CEMIP2: variants seen among roughly 807,000 people sequenced by gnomAD.
The protein encoded by CEMIP2 is cell migration inducing hyaluronidase 2.
In CEMIP2, 79 loss-of-function variants were observed where a neutral mutation model predicts 146.9. That is an observed-to-expected ratio of 0.54 (90% CI 0.45 to 0.65). The LOEUF (loss-of-function observed/expected upper bound fraction) is 0.65, where lower values mean the gene tolerates loss of function less well. CEMIP2 is among the 30% of genes least tolerant of loss of function. CEMIP2 has a pLI of 0.00. For missense variants in CEMIP2, 1,596 were observed against 1,696.2 expected (o/e 0.94, Z 1.04); for synonymous variants, 601 against 606.3 (o/e 0.99, Z 0.13).
intron 1 of CEMIP2, among the ~76,000 whole-genome samples, chr9:71,752,313 T>C (rs1042419237): frequency 2.0e-5 from 3 of 151,586 alleles, no homozygotes; most frequent in Admixed American, 6.6e-5. Context: ...AAGTTTAAAC[T>C]ATACATGCTT....
intron 13 of CEMIP2, among the ~76,000 whole-genome samples, 162 bp downstream of exon 13, chr9:71,717,786 G>C (rs999536541): frequency 6.6e-6 from 1 of 151,986 alleles, no homozygotes; most frequent in Non-Finnish European, 1.5e-5. Context: ...AAACATTTGT[G>C]GTCTTTTAAC....
At chr9:71,751,220 C>T (rs1241043342) in intron 1 of CEMIP2, among the ~76,000 whole-genome samples, 2 of 152,206 alleles carry the variant, frequency 1.3e-5, no homozygotes, top group African/African-American at 4.8e-5. Flanking sequence ...TCATCCCAAA[C>T]AAAAACTCTA....
intron 15 of CEMIP2, among the ~76,000 whole-genome samples, chr9:71,714,121 C>G (rs1822982694): frequency 6.6e-6 from 1 of 152,124 alleles, no homozygotes; most frequent in African/African-American, 2.4e-5. Context: ...TCTGTATGTC[C>G]CATTCCTCTG....
intron 10 of CEMIP2, among the ~76,000 whole-genome samples, chr9:71,727,243 C>A (rs1189223414): frequency 6.6e-6 from 1 of 152,146 alleles, no homozygotes. Context: ...TCTTCAAGCC[C>A]TGACTTCTAA....
intron 12 of CEMIP2, among the ~76,000 whole-genome samples, chr9:71,721,315 A>G (rs950813376): frequency 1.3e-5 from 2 of 152,142 alleles, no homozygotes; most frequent in East Asian, 1.9e-4. Context: ...TTCATAATTT[A>G]TTGTCATCTA....
At chr9:71,708,125 G>A (rs11142966) in intron 17 of CEMIP2, among the ~76,000 whole-genome samples, 18,126 of 152,200 alleles carry the variant, frequency 0.12, 1,228 homozygotes, top group South Asian at 0.25. Flanking sequence ...GGCGGAGCTT[G>A]CAGTGAGCCA....
At chr9:71,730,985 G>T in intron 7 of CEMIP2, 71 bp from the exon 8 acceptor site, 1 of 1,244,986 alleles carries the variant, frequency 8.0e-7, no homozygotes, top group Non-Finnish European at 1.2e-6. Flanking sequence ...TATTGTTCTA[G>T]TAGAAAACAT....
chr9:71,750,389 T>C lies in CEMIP2; in HGVS notation c.-12-4A>G. ...TGGCATACATGATACACTGTTACTG[T>C]GAAAAGAAAAAAAAATTAAGCTTCA... On this transcript the variant is annotated splice_region_variant and splice_polypyrimidine_tract_variant and intron_variant, in intron 1 of 23. Coordinates refer to ENST00000377044, the MANE Select transcript of CEMIP2 (RefSeq NM_013390.3). 1 of 1,540,626 alleles carries C rather than the reference T, an allele frequency of 6.5e-7. No homozygotes were observed. Among genetic ancestry groups the C allele is most frequent in the Non-Finnish European group, 8.7e-7 (1 of 1,146,896 alleles).
At chr9:71,743,938 CTT>C (rs974312831) in intron 4 of CEMIP2, among the ~76,000 whole-genome samples, 1 of 152,136 alleles carries the variant, frequency 6.6e-6, no homozygotes, top group African/African-American at 2.4e-5. Context: ...TTGAGGTACT[CTT>C]ACTTTTTCCA....
At position 71,745,455 on chromosome 9, in the gene CEMIP2, T is replaced by C; in HGVS notation, c.597A>G (p.Lys199=). Residue 199 remains lysine (K), a synonymous_variant, in exon 4 of 24, where the codon AAA becomes AAG. Coordinates refer to ENST00000377044, the MANE Select transcript of CEMIP2 (RefSeq NM_013390.3). ...IGAEKCRYKS[K]ATITLYGKSD... Reference sequence around the variant, plus strand: ...ACTTGCCATACAAGGTAATTGTCGCTTTGGATTTATAGCGGCATTTTTCTG... The same window carrying C: ...ACTTGCCATACAAGGTAATTGTCGCCTTGGATTTATAGCGGCATTTTTCTG... The C allele has an allele frequency of 1.2e-6, 2 of 1,614,086 alleles. No homozygotes were observed. The highest frequency in any genetic ancestry group is 1.3e-5 in the African/African-American group (1 of 75,042).
At chr9:71,738,910 A>T (rs1589156488) in intron 5 of CEMIP2, among the ~76,000 whole-genome samples, 1 of 152,140 alleles carries the variant, frequency 6.6e-6, no homozygotes, top group Non-Finnish European at 1.5e-5. Flanking sequence ...TATCTGTTAA[A>T]TTTTTTTAAA....
At position 71,704,680 on chromosome 9, in the gene CEMIP2, C is replaced by A. The variant is rs1452632467; in HGVS notation, c.3109G>T (p.Val1037Phe). The A allele has an allele frequency of 7.4e-6, 12 of 1,614,150 alleles. No individual in the cohort carries two copies. Among genetic ancestry groups the A allele is most frequent in the Non-Finnish European group, 9.3e-6 (11 of 1,180,036 alleles). ...GTATAACCCTTCTCCAGCATGACGA[C>A]AGGCTGGTACTGTGGAAAGGCAGCC... ...QKAAFPQYQP[V>F]VMLEKGYTIH... Residue 1037 changes from valine to phenylalanine, a missense_variant, in exon 18 of 24, where the codon GTC (valine) becomes TTC (phenylalanine). Coordinates refer to ENST00000377044, the MANE Select transcript of CEMIP2 (RefSeq NM_013390.3).
chr9:71,728,264 T>TATAC (rs1823474355), intron 10 of CEMIP2, among the ~76,000 whole-genome samples: 1 of 8,506 alleles, frequency 1.2e-4, no homozygotes, highest in African/African-American at 2.1e-4. Context: ...TATACACGTA[T>TATAC]ATATATATAT....
At chr9:71,746,524 G>C (rs62549292) in intron 2 of CEMIP2, among the ~76,000 whole-genome samples, 183 bp from the exon 3 acceptor site, 10,005 of 137,900 alleles carry the variant, frequency 0.073, 472 homozygotes, top group South Asian at 0.2. Context: ...CCTTTAATTT[G>C]TCATCACATT....
At chr9:71,750,804 T>A (rs1329715251) in intron 1 of CEMIP2, among the ~76,000 whole-genome samples, 1 of 151,978 alleles carries the variant, frequency 6.6e-6, no homozygotes, top group Non-Finnish European at 1.5e-5. Flanking sequence ...TGAAGTGCAG[T>A]GGCATGATCA....
chr9:71,703,561 G>C (rs112037728), intron 18 of CEMIP2, among the ~76,000 whole-genome samples: 1 of 152,106 alleles, frequency 6.6e-6, no homozygotes, highest in Non-Finnish European at 1.5e-5. Flanking sequence ...GCTTGATGAC[G>C]ACTCAGGTGA....
chr9:71,727,097 G>T (rs113777892), intron 10 of CEMIP2, among the ~76,000 whole-genome samples: 3 of 152,186 alleles, frequency 2.0e-5, no homozygotes, highest in African/African-American at 7.2e-5. Context: ...TTTTTCTAGA[G>T]AGAAAATAAA....
chr9:71,735,737 C>T (rs529638116), intron 5 of CEMIP2, among the ~76,000 whole-genome samples: 6 of 151,018 alleles, frequency 4.0e-5, no homozygotes, highest in South Asian at 2.1e-4. Flanking sequence ...GAGCTATGAT[C>T]GGGCCACCAC....
chr9:71,695,344 C>T (rs2131866092), intron 20 of CEMIP2, among the ~76,000 whole-genome samples: 1 of 152,326 alleles, frequency 6.6e-6, no homozygotes, highest in East Asian at 1.9e-4. Context: ...TAGAGGTACA[C>T]TGTCCATATA....
Sources: gnomAD v4.1 joint callset for allele counts (sites outside exome capture counted in the v4.1 genomes callset) on GRCh38, gnomAD v4.1.1 for gene constraint, MANE v1.5 for transcripts, NCBI Gene and HGNC (gene_info 2026-07-23, HGNC 2026-07-21) for gene names.